Variants in SVEP1 observed in about 807,000 individuals in gnomAD.
SVEP1 encodes the protein sushi, von Willebrand factor type A, EGF and pentraxin domain containing 1.
SVEP1 carries 164 observed loss-of-function variants against 367.3 expected under a neutral mutation model. The observed-to-expected ratio is 0.45, with a 90% CI of 0.39 to 0.51. The LOEUF is 0.51. SVEP1 is among the 20% of genes least tolerant of loss of function. The pLI, the probability that SVEP1 is intolerant of heterozygous loss-of-function variation, is 0.00. For synonymous variants in SVEP1, 1,666 were observed against 1,611.6 expected, an observed-to-expected ratio of 1.03 and a Z score of -0.81; for missense variants, 4,117 against 4,425.3, an observed-to-expected ratio of 0.93 and a Z score of 1.98.
intron 37 of SVEP1, among the ~76,000 whole-genome samples, chr9:110,409,993 C>T (rs1828021868): frequency 6.6e-6 from 1 of 151,998 alleles, no homozygotes; most frequent in East Asian, 1.9e-4. Context: ...CAAGCAGGAG[C>T]TCTAGAAATA....
At chr9:110,517,597 CAAA>C (rs10656763) in intron 3 of SVEP1, among the ~76,000 whole-genome samples, 1 of 125,798 alleles carries the variant, frequency 7.9e-6, no homozygotes, top group African/African-American at 3.0e-5. Flanking sequence ...GACGCTATCT[CAAA>C]AAAAAAAAAA....
intron 23 of SVEP1, among the ~76,000 whole-genome samples, chr9:110,450,644 A>AT (rs367645595): frequency 3.2e-3 from 458 of 144,960 alleles, no homozygotes; most frequent in African/African-American, 4.8e-3. Flanking sequence ...TAATTTTTGT[A>AT]TTTTTTTTTT....
At chr9:110,503,552 C>A (rs1829574062) in intron 5 of SVEP1, among the ~76,000 whole-genome samples, 1 of 152,122 alleles carries the variant, frequency 6.6e-6, no homozygotes, top group South Asian at 2.1e-4. Context: ...CTCAGCTGGG[C>A]CTTTCCTGTG....
intron 3 of SVEP1, among the ~76,000 whole-genome samples, chr9:110,538,277 T>A (rs1830104069): frequency 6.6e-6 from 1 of 152,056 alleles, no homozygotes; most frequent in Non-Finnish European, 1.5e-5. Context: ...AGTGTCAACA[T>A]GCTAGCGATA....
At chr9:110,496,598 G>A (rs1829449998) in intron 8 of SVEP1, among the ~76,000 whole-genome samples, 1 of 152,168 alleles carries the variant, frequency 6.6e-6, no homozygotes, top group Admixed American at 6.5e-5. Flanking sequence ...TCCTCACCTT[G>A]CAGATGGCCT....
intron 3 of SVEP1, among the ~76,000 whole-genome samples, chr9:110,534,627 AT>A (rs927341043): frequency 5.9e-5 from 9 of 152,130 alleles, no homozygotes; most frequent in African/African-American, 2.2e-4. Flanking sequence ...GGTTGAACTA[AT>A]TTACATTTCC....
At position 110,499,067 on chromosome 9, in the gene SVEP1, A is replaced by T; in HGVS notation, c.1655T>A (p.Val552Asp). Residue 552 changes from valine to aspartate, a missense_variant, in exon 7 of 48, where the codon GTC becomes GAC. Val to Asp is a radical substitution (Grantham distance 152). Around this residue, in one of 4 missense-constraint regions of SVEP1, gnomAD observed 2,174 missense variants for 2,494.3 expected, o/e 0.87. Coordinates refer to ENST00000374469, the MANE Select transcript of SVEP1 (RefSeq NM_153366.4). ...TTTACACACAGCTGCCTGAACTCCG[A>T]CATTCCATTTTCCAGAAGTGGTACA... ...LRCTTSGKWN[V>D]GVQAAVCKDV... 1.2e-6 allele frequency: 2 copies of T among 1,613,636 alleles called. No homozygotes were observed. Among genetic ancestry groups the T allele is most frequent in the Non-Finnish European group, 1.7e-6 (2 of 1,179,734 alleles).
intron 36 of SVEP1, among the ~76,000 whole-genome samples, chr9:110,423,197 A>AAAT (rs1828199860): frequency 6.7e-6 from 1 of 148,256 alleles, no homozygotes; most frequent in African/African-American, 2.5e-5. Context: ...AAAAAAAAGA[A>AAAT]AAATTGTCAA....
chr9:110,518,975 C>T (rs12553191), intron 3 of SVEP1, among the ~76,000 whole-genome samples: 24,930 of 152,154 alleles, frequency 0.16, 2,573 homozygotes, highest in Admixed American at 0.26. Flanking sequence ...TGTCTGTAAC[C>T]TTCCCACCTC....
At chr9:110,409,883 T>C (rs1198996349) in intron 37 of SVEP1, among the ~76,000 whole-genome samples, 1 of 152,194 alleles carries the variant, frequency 6.6e-6, no homozygotes, top group Non-Finnish European at 1.5e-5. Flanking sequence ...TGTTTATGCA[T>C]TGCTTGTGTG....
intron 46 of SVEP1, among the ~76,000 whole-genome samples, chr9:110,374,098 C>G (rs578158516): frequency 9.6e-4 from 146 of 152,202 alleles, no homozygotes; most frequent in Non-Finnish European, 1.5e-3. Context: ...TTTCATCACT[C>G]AGGTACTAAG....
At chr9:110,439,385 C>T (rs1931319) in intron 27 of SVEP1, among the ~76,000 whole-genome samples, 33,363 of 151,850 alleles carry the variant, frequency 0.22, 4,323 homozygotes, top group Non-Finnish European at 0.28. Flanking sequence ...ACATTAATTT[C>T]GGGTATTTTT....
chr9:110,489,320 C>T (rs1035367585), intron 9 of SVEP1, among the ~76,000 whole-genome samples: 26 of 152,114 alleles, frequency 1.7e-4, no homozygotes, highest in African/African-American at 4.8e-4. Flanking sequence ...AAGACATACC[C>T]GAGACTGAGT....
intron 3 of SVEP1, among the ~76,000 whole-genome samples, chr9:110,520,905 G>A (rs1049580340): frequency 2.6e-5 from 4 of 152,162 alleles, no homozygotes; most frequent in Admixed American, 2.6e-4. Flanking sequence ...CTTCAAGGGT[G>A]CCTGTTTATG....
At chr9:110,550,147 T>G in intron 1 of SVEP1, 43 bp from the exon 2 acceptor site, 1 of 1,605,496 alleles carries the variant, frequency 6.2e-7, no homozygotes, top group Non-Finnish European at 8.5e-7. Flanking sequence ...TGTACTGTCT[T>G]GCCTACTGTG....
At chr9:110,549,784 A>G in intron 2 of SVEP1, 65 bp downstream of exon 2, 1 of 1,578,756 alleles carries the variant, frequency 6.3e-7, no homozygotes, top group Non-Finnish European at 8.6e-7. Context: ...CATGGGTTTC[A>G]AGCAGTGAGA....
At chr9:110,393,434 C>T (rs1827699500) in intron 40 of SVEP1, among the ~76,000 whole-genome samples, 1 of 152,156 alleles carries the variant, frequency 6.6e-6, no homozygotes, top group Admixed American at 6.5e-5. Context: ...GTCTACAGCT[C>T]CCAGCGTGAG....
intron 8 of SVEP1, among the ~76,000 whole-genome samples, chr9:110,496,198 G>A (rs4978935): frequency 0.25 from 37,956 of 152,072 alleles, 4,907 homozygotes; most frequent in Middle Eastern, 0.47. Flanking sequence ...AATATTGAGC[G>A]TCAACTTGAT....
Position 110,546,241 on chromosome 9 carries a change from G to T in SVEP1, c.838C>A (p.Leu280Ile), listed in dbSNP as rs775070145. ...IQDDMVHCSY[L>I]CDEGKDCCDR... ...CAGCAGTCCTTGCCTTCATCACAAA[G>T]ATATGAGCAGTGGACCATATCATCT... The change falls in exon 3 of 48, where the codon CTT becomes ATT. Residue 280 changes from leucine to isoleucine, a missense_variant. Physicochemically the swap from Leu to Ile is conservative, Grantham distance 5. Around this residue, in one of 4 missense-constraint regions of SVEP1, gnomAD observed 2,174 missense variants for 2,494.3 expected, o/e 0.87. Transcript: ENST00000374469. 4 of 1,592,316 alleles carry T rather than the reference G, an allele frequency of 2.5e-6. No homozygotes were observed. Among genetic ancestry groups the T allele is most frequent in the Non-Finnish European group, 1.7e-6 (2 of 1,169,166 alleles).
Sources: gnomAD v4.1 joint callset for allele counts (sites outside exome capture counted in the v4.1 genomes callset) on GRCh38, gnomAD v4.1.1 for gene constraint, gnomAD v4.1.1 regional missense constraint, MANE v1.5 for transcripts, NCBI Gene and HGNC (gene_info 2026-07-23, HGNC 2026-07-21) for gene names.